The following ELAPOR1 variants were observed in gnomAD, a reference collection of about 807,000 sequenced individuals.
ELAPOR1 encodes endosome-lysosome associated apoptosis and autophagy regulator 1.
Under a neutral mutation model 119.7 loss-of-function variants are expected in ELAPOR1, and 77 were observed. That is an observed-to-expected ratio of 0.64 (90% CI 0.54 to 0.78). ELAPOR1 has a LOEUF of 0.78. ELAPOR1 is among the 30% of genes least tolerant of loss of function. ELAPOR1 has a pLI of 0.00. For missense variants in ELAPOR1, 1,115 were observed against 1,270.4 expected (o/e 0.88, Z 1.86); for synonymous variants, 481 against 487.2 (o/e 0.99, Z 0.17).
chr1:109,162,155 C>A, intron 2 of ELAPOR1, 141 bp downstream of exon 2: 1 of 864,554 alleles, frequency 1.2e-6, no homozygotes, highest in Non-Finnish European at 1.7e-6. Context: ...GTCCCCACAT[C>A]CCAGACCCTT....
intron 1 of ELAPOR1, among the ~76,000 whole-genome samples, chr1:109,123,546 A>G (rs1381320304): frequency 2.6e-5 from 4 of 152,236 alleles, no homozygotes; most frequent in African/African-American, 9.6e-5. Context: ...CAAAGTGTTG[A>G]TTTGAATGAG....
At chr1:109,137,567 G>A (rs1649556825) in intron 1 of ELAPOR1, among the ~76,000 whole-genome samples, 1 of 151,264 alleles carries the variant, frequency 6.6e-6, no homozygotes, top group Non-Finnish European at 1.5e-5. Context: ...CGCTCTTGTT[G>A]CCCAGGCTGG....
chr1:109,175,294 C>G (rs1652201163), intron 7 of ELAPOR1, among the ~76,000 whole-genome samples: 1 of 151,446 alleles, frequency 6.6e-6, no homozygotes, highest in Non-Finnish European at 1.5e-5. Context: ...CCTCTGCCTC[C>G]CGGGTTCAAG....
chr1:109,118,106 G>A (rs1192321246), intron 1 of ELAPOR1, among the ~76,000 whole-genome samples: 1 of 150,624 alleles, frequency 6.6e-6, no homozygotes, highest in Non-Finnish European at 1.5e-5. Context: ...CAGCCTGGGC[G>A]ACAAGAATGA....
At chr1:109,116,831 C>T (rs958913850) in intron 1 of ELAPOR1, among the ~76,000 whole-genome samples, 21 of 152,110 alleles carry the variant, frequency 1.4e-4, no homozygotes, top group Non-Finnish European at 2.6e-4. Flanking sequence ...GCTGGGATTA[C>T]AGGCATGTGC....
chr1:109,119,149 G>A (rs567543091), intron 1 of ELAPOR1, among the ~76,000 whole-genome samples: 51 of 151,596 alleles, frequency 3.4e-4, no homozygotes, highest in African/African-American at 1.2e-3. Flanking sequence ...TGCCCGCCTC[G>A]GCCTCCCAAA....
chr1:109,157,254 A>G (rs886744372), intron 1 of ELAPOR1, among the ~76,000 whole-genome samples: 15 of 152,170 alleles, frequency 9.9e-5, no homozygotes, highest in African/African-American at 3.4e-4. Flanking sequence ...CCTGGGTCCA[A>G]TCCTGGTTTG....
chr1:109,172,367 A>C, intron 4 of ELAPOR1, 121 bp from the exon 5 acceptor site: 1 of 716,524 alleles, frequency 1.4e-6, no homozygotes. Flanking sequence ...TCAATCCCTA[A>C]AGGAAATTGG....
Position 109,204,493 on chromosome 1 carries a change from T to G in ELAPOR1, c.*1481T>G, listed in dbSNP as rs1358336778. The G allele has an allele frequency of 6.6e-6, 1 of 152,246 alleles. No individual in the cohort carries two copies. Among genetic ancestry groups the G allele is most frequent in the Non-Finnish European group, 1.5e-5 (1 of 68,066 alleles). 9.4% of individuals were successfully genotyped at this position (152,246 alleles called of 1,614,324 possible). Reference sequence around the variant, plus strand: ...TGTCAGTGAGGAAAATTCCCCATCCTTGAGTGCCCCCGTCCTAGAAGTTTG... The same window carrying G: ...TGTCAGTGAGGAAAATTCCCCATCCGTGAGTGCCCCCGTCCTAGAAGTTTG... On this transcript the variant is annotated 3_prime_UTR_variant, in exon 22 of 22. Coordinates refer to ENST00000369939, the MANE Select transcript of ELAPOR1 (RefSeq NM_020775.5).
At position 109,191,443 on chromosome 1, in the gene ELAPOR1, C is replaced by T. The variant is rs769240718; in HGVS notation, c.1517C>T (p.Ser506Phe). 4.0e-5 allele frequency: 65 copies of T among 1,613,942 alleles called. No individual in the cohort carries two copies. Among genetic ancestry groups the T allele is most frequent in the Non-Finnish European group, 5.3e-5 (63 of 1,179,890 alleles). Residue 506 changes from serine (S) to phenylalanine (F), a missense_variant, in exon 12 of 22, where the codon TCT (serine) becomes TTT (phenylalanine). Coordinates refer to ENST00000369939, the MANE Select transcript of ELAPOR1 (RefSeq NM_020775.5). Reference sequence around the variant, plus strand: ...ACATTTGTCTTTGAGACCCTCTGTTCTGTGAACTGTGAGCTCTACTTCATG... The same window carrying T: ...ACATTTGTCTTTGAGACCCTCTGTTTTGTGAACTGTGAGCTCTACTTCATG... ...RITFVFETLC[S>F]VNCELYFMVG...
At position 109,137,815 on chromosome 1, in the gene ELAPOR1, A is replaced by T. The variant is rs556882273; in HGVS notation, c.153+23479A>T. On this transcript the variant is annotated intron_variant, in intron 1 of 21. Coordinates refer to ENST00000369939, the MANE Select transcript of ELAPOR1 (RefSeq NM_020775.5). ...AGTGCTGGGATTACAGGCGTGAGCC[A>T]CCGCGCCCGGCCTAAATTTATTTAT... 3.3e-5 allele frequency among the ~76,000 whole-genome samples: 5 copies of T among 152,238 alleles called. No individual in the cohort carries two copies. In the South Asian group the frequency reaches 1.0e-3, roughly 31 times the overall value.
intron 1 of ELAPOR1, among the ~76,000 whole-genome samples, chr1:109,116,784 A>G (rs987818502): frequency 6.8e-6 from 1 of 146,430 alleles, no homozygotes; most frequent in African/African-American, 2.6e-5. Flanking sequence ...TCCACCTCCC[A>G]GGCTCAAGCA....
intron 1 of ELAPOR1, among the ~76,000 whole-genome samples, chr1:109,144,548 T>A (rs1650061351): frequency 6.6e-6 from 1 of 151,986 alleles, no homozygotes; most frequent in African/African-American, 2.4e-5. Flanking sequence ...CAAGACCAGC[T>A]TGCCCAACAT....
At position 109,174,319 on chromosome 1, in the gene ELAPOR1, G is replaced by A. The variant is rs116043468; in HGVS notation, c.952+482G>A. Among the ~76,000 whole-genome samples the A allele has an allele frequency of 9.3e-3, 1,312 of 141,156 alleles. 19 individuals are homozygous for A. The highest frequency in any genetic ancestry group is 0.026 in the African/African-American group (1,014 of 38,610). The allele number at this position is 141,156 out of a possible 152,430, so 92.6% of individuals were successfully genotyped here. On this transcript the variant is annotated intron_variant, in intron 7 of 21. Transcript: ENST00000369939. ...TCTCAGCACTTTGGGAGGTCAAACC[G>A]GGAAGATCAATTGGGCCTAGGAGGT...
chr1:109,151,432 A>T (rs1650523233), intron 1 of ELAPOR1, among the ~76,000 whole-genome samples: 1 of 152,162 alleles, frequency 6.6e-6, no homozygotes, highest in African/African-American at 2.4e-5. Context: ...TCACAATGGG[A>T]CACAGTGAGG....
In ELAPOR1 at chr1:109,204,696, A is replaced by G. The variant is rs1267280609; in HGVS notation, c.*1684A>G. The G allele has an allele frequency of 6.6e-6, 1 of 152,330 alleles. No homozygotes were observed. The highest frequency in any genetic ancestry group is 1.5e-5 in the Non-Finnish European group (1 of 68,098). The allele number at this position is 152,330 out of a possible 1,614,324, so 9.4% of individuals were successfully genotyped here. A position where few individuals can be genotyped will look rare whatever the true frequency, so the allele number is the denominator to read the frequency against. On this transcript the variant is annotated 3_prime_UTR_variant, in exon 22 of 22. Transcript: ENST00000369939. ...GAATAAACGTCTAGGCTGGCCAAAA[A>G]AGGAACTGAATCCCAGGCCCATACG...
intron 1 of ELAPOR1, among the ~76,000 whole-genome samples, chr1:109,141,706 C>A (rs540199769): frequency 1.1e-3 from 168 of 152,102 alleles, no homozygotes; most frequent in African/African-American, 3.7e-3. Flanking sequence ...TTGCTCTGTG[C>A]CCAGGCTGGA....
At chr1:109,194,376 G>A in intron 14 of ELAPOR1, 45 bp from the exon 15 acceptor site, 1 of 1,577,194 alleles carries the variant, frequency 6.3e-7, no homozygotes, top group Non-Finnish European at 8.7e-7. Flanking sequence ...AGGCCCTCAA[G>A]GCCCTTCCTG....
chr1:109,160,642 A>G (rs1312411260), intron 1 of ELAPOR1, among the ~76,000 whole-genome samples: 1 of 152,252 alleles, frequency 6.6e-6, no homozygotes, highest in Admixed American at 6.5e-5. Context: ...TTGACGTTAT[A>G]CATGTTATGC....
Sources: allele counts gnomAD v4.1 joint callset (sites outside exome capture counted in the v4.1 genomes callset), GRCh38; gene constraint gnomAD v4.1.1; transcripts MANE v1.5; gene names NCBI Gene and HGNC (gene_info 2026-07-23, HGNC 2026-07-21).